Variants in EFCAB6 observed in about 807,000 individuals in gnomAD.
The protein encoded by EFCAB6 is EF-hand calcium-binding domain-containing protein 6.
EFCAB6 carries 156 observed loss-of-function variants against 169.8 expected under a neutral mutation model. The observed-to-expected ratio is 0.92, with a 90% confidence interval of 0.81 to 1.05. The LOEUF (loss-of-function observed/expected upper bound fraction) is 1.05. EFCAB6 is among the 50% of genes least tolerant of loss of function. The pLI is 0.00. For missense variants in EFCAB6, 1,800 were observed against 1,829.1 expected (o/e 0.98, Z 0.29); for synonymous variants, 698 against 676.4 (o/e 1.03, Z -0.50).
chr22:43,686,692 C>T (rs374913482), intron 11 of EFCAB6, among the ~76,000 whole-genome samples: 4 of 152,080 alleles, frequency 2.6e-5, no homozygotes, highest in African/African-American at 7.2e-5. Flanking sequence ...CACAAATCCC[C>T]GAGACAGGGA....
At chr22:43,546,286 C>A (rs193188704) in intron 27 of EFCAB6, among the ~76,000 whole-genome samples, 1 of 152,078 alleles carries the variant, frequency 6.6e-6, no homozygotes, top group South Asian at 2.1e-4. Context: ...AGATGAGACA[C>A]AGTTGAGGAG....
At chr22:43,623,867 C>T (rs1293360343) in intron 20 of EFCAB6, among the ~76,000 whole-genome samples, 1 of 147,534 alleles carries the variant, frequency 6.8e-6, no homozygotes, top group East Asian at 2.0e-4. Context: ...CGAGATTCCG[C>T]CACTGTACTC....
At chr22:43,762,091 C>A (rs1001451076) in intron 5 of EFCAB6, among the ~76,000 whole-genome samples, 2 of 152,212 alleles carry the variant, frequency 1.3e-5, no homozygotes, top group African/African-American at 4.8e-5. Flanking sequence ...CAAAAAAGTT[C>A]CTTGCCCGAA....
chr22:43,784,676 TAC>T (rs571679900), intron 2 of EFCAB6, among the ~76,000 whole-genome samples: 8,193 of 62,846 alleles, frequency 0.13, 728 homozygotes, highest in Non-Finnish European at 0.13. Flanking sequence ...TATACATATA[TAC>T]ACACACACAC....
intron 27 of EFCAB6, among the ~76,000 whole-genome samples, chr22:43,550,879 AC>A (rs2048342478): frequency 3.9e-5 from 6 of 152,104 alleles, no homozygotes; most frequent in African/African-American, 1.4e-4. Context: ...AGCCACAAAG[AC>A]CCATCCATTT....
chr22:43,591,051 A>C (rs1161743334), intron 23 of EFCAB6, among the ~76,000 whole-genome samples: 1 of 151,674 alleles, frequency 6.6e-6, no homozygotes, highest in Non-Finnish European at 1.5e-5. Context: ...TGGACAAATC[A>C]AGGGCCATGA....
At chr22:43,724,367 C>CTTT (rs58226287) in intron 8 of EFCAB6, among the ~76,000 whole-genome samples, 3 of 107,896 alleles carry the variant, frequency 2.8e-5, no homozygotes, top group Non-Finnish European at 3.8e-5. Context: ...TTTCTTTTTT[C>CTTT]TTTTTTTTTT....
Position 43,784,582 on chromosome 22 carries a change from C to CATATATATGTATACATACACAT in EFCAB6, c.-7-2258_-7-2257insATGTGTATGTATACATATATAT, listed in dbSNP as rs1569487425. On this transcript the variant is annotated intron_variant, in intron 2 of 31. Coordinates refer to ENST00000262726, the MANE Select transcript of EFCAB6 (RefSeq NM_022785.4). ...ACACATATATATGTGTACATATACA[C>CATATATATGTATACATACACAT]ATATATATGTATATATACACATATA... is the stretch of plus-strand genomic sequence containing the variant. 7.3e-4 allele frequency among the ~76,000 whole-genome samples: 43 copies of CATATATATGTATACATACACAT among 59,210 alleles called. 1 individual carries two copies. Among genetic ancestry groups the CATATATATGTATACATACACAT allele is most frequent in the Middle Eastern group, 0.01 (1 of 98 alleles). The allele number at this position is 59,210 out of a possible 152,430, so 38.8% of individuals were successfully genotyped here.
At chr22:43,803,698 G>A (rs536978876) in intron 2 of EFCAB6, among the ~76,000 whole-genome samples, 93 of 152,102 alleles carry the variant, frequency 6.1e-4, no homozygotes, top group African/African-American at 2.0e-3. Context: ...TCTAAAAGGA[G>A]AGACAGATTG....
At chr22:43,653,041 G>A (rs2056554082) in intron 17 of EFCAB6, among the ~76,000 whole-genome samples, 1 of 152,122 alleles carries the variant, frequency 6.6e-6, no homozygotes, top group Non-Finnish European at 1.5e-5. Context: ...AGGAAATACT[G>A]GGGCTGAAGC....
intron 17 of EFCAB6, among the ~76,000 whole-genome samples, chr22:43,655,853 A>T (rs6006518): frequency 6.6e-6 from 1 of 152,210 alleles, no homozygotes; most frequent in African/African-American, 2.4e-5. Context: ...CATTATTATC[A>T]GATGACATAG....
intron 3 of EFCAB6, among the ~76,000 whole-genome samples, chr22:43,776,005 ATGAC>A (rs1176897341): frequency 6.6e-6 from 1 of 152,256 alleles, no homozygotes; most frequent in African/African-American, 2.4e-5. Context: ...AGCAAAATAA[ATGAC>A]TGTTGCTATT....
chr22:43,643,343 G>A (rs533206838), intron 17 of EFCAB6, among the ~76,000 whole-genome samples: 1 of 152,346 alleles, frequency 6.6e-6, no homozygotes, highest in African/African-American at 2.4e-5. Context: ...GACTCCACGG[G>A]ACAACATTGT....
rs573732799 is a variant in EFCAB6 at position 43,600,725 on chromosome 22, G to T, written c.2682-462C>A. ...GTGGCCCAGGCTGGAGTACAGTGGT[G>T]CGAGCTGGGCTCACTACAACCTCTG... On this transcript the variant is annotated intron_variant, in intron 22 of 31. Coordinates refer to ENST00000262726, the MANE Select transcript of EFCAB6 (RefSeq NM_022785.4). Among the ~76,000 whole-genome samples the T allele has an allele frequency of 2.6e-5, 4 of 152,132 alleles. No homozygotes were observed. The South Asian group carries it at 8.3e-4, about 32-fold the overall frequency.
chr22:43,719,037 G>A (rs1010514015), intron 8 of EFCAB6, among the ~76,000 whole-genome samples: 3 of 152,146 alleles, frequency 2.0e-5, no homozygotes, highest in Non-Finnish European at 4.4e-5. Flanking sequence ...CACATTTCGG[G>A]AAGCCCACTG....
intron 23 of EFCAB6, among the ~76,000 whole-genome samples, chr22:43,593,084 A>G (rs1473711437): frequency 6.6e-6 from 1 of 151,664 alleles, no homozygotes; most frequent in Non-Finnish European, 1.5e-5. Flanking sequence ...AAAAATCCTG[A>G]AAACATTGAA....
chr22:43,616,461 G>A (rs181792333), intron 20 of EFCAB6, among the ~76,000 whole-genome samples: 4 of 152,310 alleles, frequency 2.6e-5, no homozygotes, highest in Admixed American at 1.3e-4. Flanking sequence ...TCAGGACTTC[G>A]AGATCAGGCT....
At chr22:43,777,141 G>C (rs1354034022) in intron 3 of EFCAB6, among the ~76,000 whole-genome samples, 1 of 152,180 alleles carries the variant, frequency 6.6e-6, no homozygotes, top group Non-Finnish European at 1.5e-5. Flanking sequence ...AGAAATCAAG[G>C]ATAATCCCTT....
intron 8 of EFCAB6, among the ~76,000 whole-genome samples, chr22:43,722,290 G>A (rs917341186): frequency 6.6e-6 from 1 of 152,092 alleles, no homozygotes; most frequent in East Asian, 1.9e-4. Context: ...ACTTTGGGAG[G>A]CCAAGGTGGG....
Sources: allele counts gnomAD v4.1 joint callset (sites outside exome capture counted in the v4.1 genomes callset), GRCh38; gene constraint gnomAD v4.1.1; transcripts MANE v1.5; gene names NCBI Gene and HGNC (gene_info 2026-07-23, HGNC 2026-07-21).